The following SRP19 variants were observed in gnomAD, a reference collection of about 807,000 sequenced individuals.
SRP19 encodes signal recognition particle 19, also known as signal recognition particle 19 kDa protein.
A neutral mutation model predicts 22.4 loss-of-function variants in SRP19; 11 were observed. The ratio of observed to expected loss-of-function variants is 0.49; its 90% CI spans 0.31 to 0.81. The LOEUF (loss-of-function observed/expected upper bound fraction) is 0.81. Among genes scored for constraint, SRP19 ranks in the 40% least tolerant of loss-of-function variants. SRP19 has a pLI of 0.05. For synonymous variants in SRP19, 61 were observed against 57.6 expected, an observed-to-expected ratio of 1.06 and a Z score of -0.27; for missense variants, 168 against 175.9, an observed-to-expected ratio of 0.96 and a Z score of 0.25.
Position 112,880,004 on chromosome 5 carries a change from C to T in SRP19, c.302-11599C>T, listed in dbSNP as rs1320684108. 1.1e-4 allele frequency among the ~76,000 whole-genome samples: 16 copies of T among 151,878 alleles called. No homozygotes were observed. In the East Asian group the frequency reaches 3.1e-3, roughly 30 times the overall value. Reference sequence around the variant, plus strand: ...GAATGCTATATAAATTGTTGTTATACTAAATTGTTTTTAAAATCTGTATTT... The same window carrying T: ...GAATGCTATATAAATTGTTGTTATATTAAATTGTTTTTAAAATCTGTATTT... On this transcript the variant is annotated intron_variant, in intron 4 of 4. Coordinates refer to the SRP19 transcript ENST00000391338.
chr5:112,891,470 G>T, intron 4 of SRP19: 1 of 867,032 alleles, frequency 1.2e-6, no homozygotes, highest in Non-Finnish European at 1.7e-6. Context: ...CAATATAAAG[G>T]AGAAACAAAA....
chr5:112,870,945 T>C (rs1213338339), downstream of SRP19, among the ~76,000 whole-genome samples: 2 of 152,154 alleles, frequency 1.3e-5, no homozygotes, highest in Non-Finnish European at 2.9e-5. Flanking sequence ...ATCTGCCGCC[T>C]GGTTTCAAGT....
In SRP19 at chr5:112,867,591, T is replaced by A; in HGVS notation, c.*54T>A. 6.7e-7 allele frequency: 1 copy of A among 1,490,278 alleles called. No homozygotes were observed. The highest frequency in any genetic ancestry group is 9.0e-7 in the Non-Finnish European group (1 of 1,117,318). The allele number at this position is 1,490,278 out of a possible 1,614,324, so 92.3% of individuals were successfully genotyped here. A position where few individuals can be genotyped will look rare whatever the true frequency, so the allele number is the denominator to read the frequency against. On this transcript the variant is annotated 3_prime_UTR_variant, in exon 5 of 5. Transcript: ENST00000505459. ...TACTGTAAGAGACATGAATGGAGAC[T>A]TCTAATTTGTATCGGAGGGAAACAG...
At chr5:112,892,464 A>G (rs201107809) in exon 5 of SRP19, 22 of 1,614,044 alleles carry the variant, frequency 1.4e-5, no homozygotes, top group African/African-American at 8.0e-5. Flanking sequence ...GGGGCAATGT[A>G]TATGTTCAGT....
downstream of SRP19, chr5:112,895,895 TCAGA>T (rs1259224498): frequency 6.6e-6 from 1 of 152,166 alleles, no homozygotes; most frequent in Non-Finnish European, 1.5e-5. Flanking sequence ...TGCCTGCAGT[TCAGA>T]CAGAGTCCAT....
At chr5:112,877,542 G>A (rs189728226) in intron 4 of SRP19, 4 of 152,200 alleles carry the variant, frequency 2.6e-5, no homozygotes, top group East Asian at 3.9e-4. Context: ...CAAAGAATAC[G>A]GATGAGGGCA....
At chr5:112,866,116 C>CT (rs67108157) in intron 4 of SRP19, among the ~76,000 whole-genome samples, 6,674 of 141,976 alleles carry the variant, frequency 0.047, 527 homozygotes, top group African/African-American at 0.16. Context: ...AGTCTTTTTT[C>CT]TTTTTTTTTT....
At chr5:112,888,178 A>T (rs1450655870) in intron 4 of SRP19, among the ~76,000 whole-genome samples, 1 of 142,150 alleles carries the variant, frequency 7.0e-6, no homozygotes, top group African/African-American at 2.7e-5. Flanking sequence ...TTTAAGTCTT[A>T]GTCCTTATGA....
At chr5:112,890,679 A>C (rs774392742) in intron 4 of SRP19, among the ~76,000 whole-genome samples, 1 of 150,334 alleles carries the variant, frequency 6.7e-6, no homozygotes. Flanking sequence ...CACCTGGCCT[A>C]AAATCTCACT....
chr5:112,891,763 C>T (rs765987174), exon 5 of SRP19: 38 of 1,613,804 alleles, frequency 2.4e-5, no homozygotes, highest in Admixed American at 3.3e-5. Context: ...GGAACTTGCT[C>T]GACTGAGAGA....
intron 4 of SRP19, chr5:112,891,568 C>A: frequency 6.5e-7 from 1 of 1,548,526 alleles, no homozygotes; most frequent in Non-Finnish European, 8.7e-7. Context: ...CTGACAGTGG[C>A]AGCTATGAAC....
chr5:112,867,330 T>C (rs555631393), intron 4 of SRP19, 74 bp from the exon 5 acceptor site: 6 of 1,517,742 alleles, frequency 4.0e-6, no homozygotes, highest in East Asian at 4.5e-5. Context: ...TCTTACACTT[T>C]GTGATATTCA....
Position 112,869,201 on chromosome 5 carries a change from G to A in SRP19, c.*1664G>A, listed in dbSNP as rs911678589. 3 of 152,058 alleles carry A rather than the reference G, an allele frequency of 2.0e-5. No homozygotes were observed. Among genetic ancestry groups the A allele is most frequent in the African/African-American group, 7.2e-5 (3 of 41,382 alleles). 9.4% of individuals were successfully genotyped at this position (152,058 alleles called of 1,614,324 possible). A position where few individuals can be genotyped will look rare whatever the true frequency, so the allele number is the denominator to read the frequency against. On this transcript the variant is annotated 3_prime_UTR_variant, in exon 5 of 5. Transcript: ENST00000505459. ...AGTGATGCCTTTTTTGTATTTTTCCGCTCTGCTGTCCATGACATATTTCTA... is the reference window on the plus strand; with the variant it reads ...AGTGATGCCTTTTTTGTATTTTTCCACTCTGCTGTCCATGACATATTTCTA...
Position 112,868,074 on chromosome 5 carries a change from ATATTT to A in SRP19, c.*540_*544del. 1.0e-6 allele frequency: 1 copy of A among 985,390 alleles called. No individual in the cohort carries two copies. The highest frequency in any genetic ancestry group is 4.7e-5 in the South Asian group (1 of 21,288). The allele number at this position is 985,390 out of a possible 1,614,324, so 61.0% of individuals were successfully genotyped here. A position where few individuals can be genotyped will look rare whatever the true frequency, so the allele number is the denominator to read the frequency against. On this transcript the variant is annotated 3_prime_UTR_variant, in exon 5 of 5. Coordinates refer to ENST00000505459, the MANE Select transcript of SRP19 (RefSeq NM_003135.3). ...TCTGTAAAAAGCCAGTCTGTAGATG[ATATTT>A]TAATATATTATTGTAATCGAATCGT...
At chr5:112,891,962 AAG>A (rs1561650661) in exon 5 of SRP19, 3 of 1,242,096 alleles carry the variant, frequency 2.4e-6, no homozygotes, top group African/African-American at 1.5e-5. Context: ...CTAGAAGAAC[AAG>A]AGAGAAAGTT....
At chr5:112,875,011 G>A (rs1456210861) in intron 4 of SRP19, among the ~76,000 whole-genome samples, 1 of 152,042 alleles carries the variant, frequency 6.6e-6, no homozygotes, top group African/African-American at 2.4e-5. Context: ...TCTGACCTCA[G>A]GTGATCCACC....
downstream of SRP19, chr5:112,896,043 T>G (rs1406580541): frequency 6.6e-6 from 1 of 152,616 alleles, no homozygotes; most frequent in Admixed American, 6.5e-5. Context: ...GAAGAGATAT[T>G]TCCCAGGTAG....
chr5:112,864,781 A>T (rs1561638610), intron 4 of SRP19, 49 bp downstream of exon 4: 7 of 1,399,126 alleles, frequency 5.0e-6, no homozygotes, highest in Non-Finnish European at 6.9e-6. Context: ...GGTTTCTCCT[A>T]CACAACACAA....
At chr5:112,895,479 T>C (rs1410797408), downstream of SRP19, 3 of 114,718 alleles carry the variant, frequency 2.6e-5, no homozygotes, top group African/African-American at 1.5e-4. Flanking sequence ...ACAAGCTTAT[T>C]ATCTTTTCTG....
Sources: allele counts gnomAD v4.1 joint callset (sites outside exome capture counted in the v4.1 genomes callset), GRCh38; gene constraint gnomAD v4.1.1; transcripts MANE v1.5; gene names NCBI Gene and HGNC (gene_info 2026-07-23, HGNC 2026-07-21).